Variants in CBFA2T3 observed in about 807,000 individuals in gnomAD.
CBFA2T3 encodes CBFA2/RUNX1 partner transcriptional co-repressor 3.
A neutral mutation model predicts 58.6 loss-of-function variants in CBFA2T3; 31 were observed. That is an observed-to-expected ratio of 0.53 (90% CI 0.40 to 0.71). CBFA2T3 has a LOEUF of 0.71. Ranked by LOEUF, CBFA2T3 falls within the 30% of genes least tolerant of loss-of-function variation. The pLI is 0.00. For synonymous variants in CBFA2T3, 531 were observed against 421.9 expected (o/e 1.26, Z -3.17); for missense variants, 1,076 against 963.1 (o/e 1.12, Z -1.55).
At chr16:88,949,854 A>G (rs940042522) in intron 1 of CBFA2T3, among the ~76,000 whole-genome samples, 10 of 151,746 alleles carry the variant, frequency 6.6e-5, no homozygotes, top group Admixed American at 3.3e-4. Flanking sequence ...CTACTAAAAC[A>G]CAAAAATTAG....
chr16:88,898,269 T>G, intron 2 of CBFA2T3, 117 bp from the exon 3 acceptor site: 1 of 784,102 alleles, frequency 1.3e-6, no homozygotes, highest in South Asian at 1.5e-5. Flanking sequence ...GGTGGGGGCG[T>G]GGGCAGGAGA....
intron 3 of CBFA2T3, among the ~76,000 whole-genome samples, chr16:88,893,859 C>A (rs1351696398): frequency 6.6e-6 from 1 of 152,182 alleles, no homozygotes; most frequent in Non-Finnish European, 1.5e-5. Context: ...CACCCGCACC[C>A]CGTGCCCTTG....
chr16:88,935,568 A>AT (rs1178583645), intron 1 of CBFA2T3, among the ~76,000 whole-genome samples: 7 of 152,330 alleles, frequency 4.6e-5, no homozygotes, highest in South Asian at 2.1e-4. Flanking sequence ...CCAAGCTTGC[A>AT]GGCTGTCCTC....
At chr16:88,911,111 T>C (rs1970516976) in intron 1 of CBFA2T3, among the ~76,000 whole-genome samples, 1 of 152,204 alleles carries the variant, frequency 6.6e-6, no homozygotes, top group African/African-American at 2.4e-5. Flanking sequence ...CCAAGTCCTA[T>C]TTCTCTCCCA....
At chr16:88,890,415 G>A (rs988777003) in intron 5 of CBFA2T3, among the ~76,000 whole-genome samples, 9 of 152,240 alleles carry the variant, frequency 5.9e-5, no homozygotes, top group African/African-American at 1.9e-4. Context: ...TGGCCCAGCA[G>A]AGATGGAGCC....
At chr16:88,910,808 T>G (rs1033027660) in intron 1 of CBFA2T3, among the ~76,000 whole-genome samples, 1 of 152,168 alleles carries the variant, frequency 6.6e-6, no homozygotes, top group Non-Finnish European at 1.5e-5. Context: ...GGGCCCCTTC[T>G]TGGCAGGCTC....
chr16:88,904,079 A>C (rs115043217), intron 1 of CBFA2T3, among the ~76,000 whole-genome samples: 3,066 of 152,310 alleles, frequency 0.02, 52 homozygotes, highest in African/African-American at 0.046. Context: ...GCCGTCACCC[A>C]ACAAGGGCTC....
At chr16:88,959,389 A>G (rs1972306941) in intron 1 of CBFA2T3, among the ~76,000 whole-genome samples, 1 of 151,998 alleles carries the variant, frequency 6.6e-6, no homozygotes, top group Admixed American at 6.5e-5. Context: ...TGGAGGGAAC[A>G]CGCATGCACG....
chr16:88,914,250 G>A (rs1334253114), intron 1 of CBFA2T3, among the ~76,000 whole-genome samples: 2 of 152,230 alleles, frequency 1.3e-5, no homozygotes, highest in African/African-American at 2.4e-5. Context: ...GATGCTAGAG[G>A]TCAGGAATGG....
intron 1 of CBFA2T3, among the ~76,000 whole-genome samples, chr16:88,970,598 T>G (rs1368182709): frequency 6.6e-6 from 1 of 152,228 alleles, no homozygotes; most frequent in Non-Finnish European, 1.5e-5. Flanking sequence ...CGTCTGCCCC[T>G]TCCCTCCGGG....
chr16:88,913,892 G>A (rs990556387), intron 1 of CBFA2T3, among the ~76,000 whole-genome samples: 1 of 152,092 alleles, frequency 6.6e-6, no homozygotes. Flanking sequence ...CTGCTGACTG[G>A]AACAGTCACA....
chr16:88,941,227 G>A, intron 1 of CBFA2T3: 1 of 958,678 alleles, frequency 1.0e-6, no homozygotes, highest in Non-Finnish European at 1.2e-6. Context: ...ACTCGGCTCC[G>A]GCCACCCCGC....
Position 88,958,174 on chromosome 16 carries a change from C to T in CBFA2T3, c.151+18483G>A, listed in dbSNP as rs554066042. Among the ~76,000 whole-genome samples the T allele has an allele frequency of 1.4e-4, 22 of 152,338 alleles. No individual in the cohort carries two copies. Among genetic ancestry groups the T allele is most frequent in the African/African-American group, 5.1e-4 (21 of 41,584 alleles). ...CGAGGCCGTAGGAAGCCTGGTCAGG[C>T]TGTCGGGGCCTCAGACGGCAGAAAC... On this transcript the variant is annotated intron_variant, in intron 1 of 11. Coordinates refer to ENST00000268679, the MANE Select transcript of CBFA2T3 (RefSeq NM_005187.6). The surrounding 1 kb of genome is among the most constrained non-coding windows in gnomAD (Gnocchi z 4.0).
intron 1 of CBFA2T3, among the ~76,000 whole-genome samples, chr16:88,942,475 A>G (rs1971776161): frequency 6.6e-6 from 1 of 152,150 alleles, no homozygotes; most frequent in Non-Finnish European, 1.5e-5. Context: ...CGTGCGAAAC[A>G]TGGCCCATTC....
At chr16:88,901,421 G>C (rs1028296493) in intron 2 of CBFA2T3, 83 bp downstream of exon 2, 2 of 684,804 alleles carry the variant, frequency 2.9e-6, no homozygotes, top group South Asian at 2.2e-5. Context: ...CGCTGGCTCC[G>C]GGCAGGAAGC....
chr16:88,972,339 G>T (rs569437504), intron 1 of CBFA2T3, among the ~76,000 whole-genome samples: 12 of 152,268 alleles, frequency 7.9e-5, no homozygotes, highest in African/African-American at 2.4e-4. Flanking sequence ...AGATAGTTGG[G>T]GGGGAGTCAG....
At chr16:88,962,990 A>G (rs913648486) in intron 1 of CBFA2T3, among the ~76,000 whole-genome samples, 2 of 152,162 alleles carry the variant, frequency 1.3e-5, no homozygotes, top group African/African-American at 4.8e-5. Flanking sequence ...TGGTTTGCAG[A>G]GGGGAGATAA....
chr16:88,940,913 A>G (rs1182078082), intron 1 of CBFA2T3: 4 of 543,252 alleles, frequency 7.4e-6, no homozygotes, highest in Non-Finnish European at 9.4e-6. Context: ...CCAACTTTGA[A>G]AACGGCCCGT....
chr16:88,893,328 C>T (rs978529743), intron 3 of CBFA2T3, among the ~76,000 whole-genome samples: 1 of 151,702 alleles, frequency 6.6e-6, no homozygotes, highest in African/African-American at 2.4e-5. Context: ...TGCCTCCCAG[C>T]CCTGAGCAAT....
Sources: gnomAD v4.1 joint callset for allele counts (sites outside exome capture counted in the v4.1 genomes callset) on GRCh38, gnomAD v4.1.1 for gene constraint, Gnocchi (gnomAD v3.1) non-coding constraint, MANE v1.5 for transcripts, NCBI Gene and HGNC (gene_info 2026-07-23, HGNC 2026-07-21) for gene names.